FAM124A: variants seen among roughly 807,000 people sequenced by gnomAD.
The protein encoded by FAM124A is protein FAM124A.
A neutral mutation model predicts 24.5 loss-of-function variants in FAM124A; 23 were observed. The observed-to-expected ratio is 0.94, with a 90% CI of 0.68 to 1.33. The LOEUF is 1.33. Among genes scored for constraint, FAM124A ranks in the 40% most tolerant of loss-of-function variants. The pLI, the probability that FAM124A is intolerant of heterozygous loss-of-function variation, is 0.00. For synonymous variants in FAM124A, 287 were observed against 314.7 expected, an observed-to-expected ratio of 0.91 and a Z score of 0.93; for missense variants, 623 against 722.8, an observed-to-expected ratio of 0.86 and a Z score of 1.58.
At chr13:51,265,987 T>G (rs1308836649) in intron 3 of FAM124A, among the ~76,000 whole-genome samples, 1 of 152,236 alleles carries the variant, frequency 6.6e-6, no homozygotes, top group Non-Finnish European at 1.5e-5. Flanking sequence ...ACATATATAC[T>G]CATACATATA....
chr13:51,267,155 G>A (rs10492521), intron 3 of FAM124A, among the ~76,000 whole-genome samples: 18,740 of 152,116 alleles, frequency 0.12, 1,252 homozygotes, highest in Non-Finnish European at 0.15. Context: ...AAAGCATAAG[G>A]ATTTTTGGTT....
At chr13:51,245,513 C>T in intron 2 of FAM124A, 2 of 440,024 alleles carry the variant, frequency 4.5e-6, no homozygotes, top group African/African-American at 4.0e-5. Flanking sequence ...TCAGACTGCT[C>T]TTTGTTAGAA....
rs1954949282 is a variant in FAM124A at position 51,282,481 on chromosome 13, AGAGTAT to A, written c.*1227_*1232del. On this transcript the variant is annotated 3_prime_UTR_variant, in exon 4 of 4. Transcript: ENST00000322475. ...ATCTCACCTCCCTCTCACCTCAGTA[AGAGTAT>A]GTTTGTTTACAGCCCCAACCTCAGC... 6.6e-6 allele frequency: 1 copy of A among 152,172 alleles called. No individual in the cohort carries two copies. The highest frequency in any genetic ancestry group is 6.5e-5 in the Admixed American group (1 of 15,272). The allele number at this position is 152,172 out of a possible 1,614,324, so 9.4% of individuals were successfully genotyped here.
chr13:51,238,585 C>T (rs1056838855), intron 2 of FAM124A, among the ~76,000 whole-genome samples: 33 of 152,176 alleles, frequency 2.2e-4, no homozygotes, highest in Non-Finnish European at 4.3e-4. Context: ...TTCTAAAACA[C>T]GGGATATATC....
intron 2 of FAM124A, among the ~76,000 whole-genome samples, chr13:51,233,412 TTCTC>T (rs1304796596): frequency 1.3e-5 from 2 of 152,236 alleles, no homozygotes; most frequent in Non-Finnish European, 2.9e-5. Flanking sequence ...CCAGTAATTT[TTCTC>T]TCTATTGGCC....
intron 2 of FAM124A, among the ~76,000 whole-genome samples, chr13:51,233,135 G>A (rs1472536238): frequency 6.6e-6 from 1 of 152,002 alleles, no homozygotes; most frequent in Admixed American, 6.6e-5. Flanking sequence ...AAACAAGTAG[G>A]GATTCGTTTT....
At chr13:51,273,642 G>C (rs1044841818) in intron 3 of FAM124A, among the ~76,000 whole-genome samples, 2 of 152,138 alleles carry the variant, frequency 1.3e-5, no homozygotes, top group African/African-American at 4.8e-5. Flanking sequence ...CCACAAGCTA[G>C]CATTATACCC....
At chr13:51,228,402 G>A (rs1238587406) in intron 1 of FAM124A, among the ~76,000 whole-genome samples, 1 of 152,228 alleles carries the variant, frequency 6.6e-6, no homozygotes, top group Non-Finnish European at 1.5e-5. Context: ...ATTTGGAAAT[G>A]TGTCTATATT....
intron 3 of FAM124A, among the ~76,000 whole-genome samples, chr13:51,277,219 C>T (rs887786108): frequency 1.3e-5 from 2 of 151,994 alleles, no homozygotes; most frequent in African/African-American, 4.8e-5. Flanking sequence ...AATGAAATAA[C>T]TCAGAAACAG....
intron 1 of FAM124A, among the ~76,000 whole-genome samples, chr13:51,229,234 G>T (rs1029653532): frequency 6.6e-6 from 1 of 152,222 alleles, no homozygotes; most frequent in African/African-American, 2.4e-5. Context: ...TTACACTAGC[G>T]AGCTTGAATT....
intron 1 of FAM124A, 141 bp downstream of exon 1, chr13:51,222,710 C>A: frequency 1.2e-6 from 1 of 858,680 alleles, no homozygotes; most frequent in Non-Finnish European, 1.5e-6. Flanking sequence ...CCCGCTCTCT[C>A]CTGGGCGGGC....
At chr13:51,232,133 A>G (rs945699287) in intron 2 of FAM124A, among the ~76,000 whole-genome samples, 13 of 152,150 alleles carry the variant, frequency 8.5e-5, no homozygotes, top group African/African-American at 2.9e-4. Context: ...GCAGCAGAAA[A>G]TGATCAGGAA....
intron 1 of FAM124A, among the ~76,000 whole-genome samples, chr13:51,223,024 T>C (rs1954277314): frequency 6.6e-6 from 1 of 152,094 alleles, no homozygotes; most frequent in Non-Finnish European, 1.5e-5. Flanking sequence ...ATGGCATTTC[T>C]CGTTATATGG....
Position 51,251,352 on chromosome 13 carries a change from G to A in FAM124A, c.101-116G>A, listed in dbSNP as rs1954617178. On this transcript the variant is annotated intron_variant, in intron 2 of 3. Transcript: ENST00000322475. This position sits in a 1 kb window ranked among gnomAD's most constrained non-coding sequence, Gnocchi z 5.3. ...CAGAAAATCACAGGTCATGGAGTCA[G>A]TTCAGTTAGAATTTGACTTCTCTTC... 7 of 1,306,096 alleles carry A rather than the reference G, an allele frequency of 5.4e-6. No individual in the cohort carries two copies. Among genetic ancestry groups the A allele is most frequent in the African/African-American group, 1.5e-5 (1 of 67,330 alleles). 80.9% of individuals were successfully genotyped at this position (1,306,096 alleles called of 1,614,324 possible).
Position 51,251,752 on chromosome 13 carries a change from C to G in FAM124A, c.385C>G (p.Arg129Gly), listed in dbSNP as rs753787657. 44 of 1,585,338 alleles carry G rather than the reference C, an allele frequency of 2.8e-5. No homozygotes were observed. Among genetic ancestry groups the G allele is most frequent in the Non-Finnish European group, 3.7e-5 (43 of 1,167,312 alleles). The change falls in exon 3 of 4, where the codon CGC (arginine) becomes GGC (glycine). Residue 129 changes from arginine (R) to glycine (G), a missense_variant. By Grantham distance (125) the Arg-to-Gly change is moderately radical (BLOSUM62 -2). Coordinates refer to ENST00000322475, the MANE Select transcript of FAM124A (RefSeq NM_001242312.2). This position sits in a 1 kb window ranked among gnomAD's most constrained non-coding sequence, Gnocchi z 5.3. ...CCGCACACTGCAGCAGCCGCCCTGG[C>G]GCCACCACCACACCGAGCAGGTGCA... Reference protein sequence around the residue: ...LHRTLQQPPWRHHHTEQVHGR... With the variant: ...LHRTLQQPPWGHHHTEQVHGR...
intron 3 of FAM124A, chr13:51,253,429 A>G (rs999738962): frequency 3.3e-5 from 5 of 152,240 alleles, no homozygotes; most frequent in Non-Finnish European, 7.3e-5. Context: ...TGTGCAGATA[A>G]GGAACTAAGT....
At chr13:51,225,698 G>A (rs1329703368) in intron 1 of FAM124A, among the ~76,000 whole-genome samples, 1 of 152,066 alleles carries the variant, frequency 6.6e-6, no homozygotes, top group African/African-American at 2.4e-5. Flanking sequence ...ATGAAGTGAA[G>A]GAAGAGTGGT....
chr13:51,239,397 A>G (rs1161068638), intron 2 of FAM124A, among the ~76,000 whole-genome samples: 2 of 152,152 alleles, frequency 1.3e-5, no homozygotes, highest in Non-Finnish European at 2.9e-5. Flanking sequence ...TTGGGTAATA[A>G]TTTACTAAAA....
At chr13:51,250,687 G>T (rs189075078) in intron 2 of FAM124A, among the ~76,000 whole-genome samples, 23 of 152,332 alleles carry the variant, frequency 1.5e-4, no homozygotes, top group East Asian at 9.7e-4. Context: ...GGCAGTCATG[G>T]TCTCACCCTG....
Sources: allele counts gnomAD v4.1 joint callset (sites outside exome capture counted in the v4.1 genomes callset), GRCh38; gene constraint gnomAD v4.1.1; non-coding constraint Gnocchi (gnomAD v3.1); transcripts MANE v1.5; gene names NCBI Gene and HGNC (gene_info 2026-07-23, HGNC 2026-07-21).